Variants in SGCZ observed in about 807,000 individuals in gnomAD.
The protein encoded by SGCZ is sarcoglycan zeta.
In SGCZ, 40 loss-of-function variants were observed where a neutral mutation model predicts 41.3. The observed-to-expected ratio is 0.97, with a 90% CI of 0.75 to 1.26. The LOEUF is 1.26. SGCZ is among the 50% of genes most tolerant of loss of function. The pLI is 0.00. For missense variants in SGCZ, 552 were observed against 369.8 expected (o/e 1.49, Z -4.04); for synonymous variants, 206 against 137.5 (o/e 1.50, Z -3.49).
chr8:15,016,140 G>A (rs1803024711), intron 1 of SGCZ, among the ~76,000 whole-genome samples: 2 of 151,992 alleles, frequency 1.3e-5, no homozygotes, highest in Admixed American at 1.3e-4. Flanking sequence ...CTATTCTTTT[G>A]CAAAATTTCC....
At chr8:14,848,981 T>C (rs1308152889) in intron 1 of SGCZ, among the ~76,000 whole-genome samples, 4 of 152,118 alleles carry the variant, frequency 2.6e-5, no homozygotes, top group Admixed American at 1.3e-4. Flanking sequence ...AACACAATAA[T>C]AAGAAAGCCA....
intron 2 of SGCZ, among the ~76,000 whole-genome samples, chr8:14,537,235 T>C (rs1803323879): frequency 6.6e-6 from 1 of 151,934 alleles, no homozygotes; most frequent in South Asian, 2.1e-4. Flanking sequence ...TCTGTCATCT[T>C]GGGAGCACAC....
intron 1 of SGCZ, among the ~76,000 whole-genome samples, chr8:14,586,725 A>G (rs752544497): frequency 4.6e-5 from 7 of 152,172 alleles, no homozygotes; most frequent in Non-Finnish European, 7.3e-5. Flanking sequence ...CTGGTACTAA[A>G]AATGTATTGT....
chr8:14,753,019 C>T (rs527886976), intron 1 of SGCZ, among the ~76,000 whole-genome samples: 17 of 151,786 alleles, frequency 1.1e-4, no homozygotes, highest in Non-Finnish European at 2.2e-4. Flanking sequence ...GGAAACTCTC[C>T]GTACTGTAAT....
chr8:14,553,438 A>G (rs1276784564), intron 2 of SGCZ, among the ~76,000 whole-genome samples: 4 of 152,098 alleles, frequency 2.6e-5, no homozygotes, highest in African/African-American at 9.7e-5. Context: ...CTGTGAAAAT[A>G]TTGACTCCTG....
chr8:14,965,895 C>G (rs1490813327), intron 1 of SGCZ, among the ~76,000 whole-genome samples: 1 of 151,912 alleles, frequency 6.6e-6, no homozygotes, highest in African/African-American at 2.4e-5. Context: ...AAAGAATAAA[C>G]AATACTCTAC....
At chr8:14,458,555 C>G (rs1800813328) in intron 2 of SGCZ, among the ~76,000 whole-genome samples, 1 of 152,068 alleles carries the variant, frequency 6.6e-6, no homozygotes, top group African/African-American at 2.4e-5. Context: ...TTGGTGGATT[C>G]TAAGTAGAGT....
chr8:14,100,233 T>C (rs1484730836), intron 7 of SGCZ, among the ~76,000 whole-genome samples: 1 of 151,854 alleles, frequency 6.6e-6, no homozygotes, highest in Non-Finnish European at 1.5e-5. Context: ...TACAGCACAA[T>C]ACTCATTTGA....
At chr8:14,800,201 A>C (rs921130652) in intron 1 of SGCZ, among the ~76,000 whole-genome samples, 5 of 152,166 alleles carry the variant, frequency 3.3e-5, no homozygotes, top group African/African-American at 1.2e-4. Flanking sequence ...GTCATTTGGA[A>C]ATATGTGATC....
At chr8:14,611,272 T>G (rs1443489415) in intron 1 of SGCZ, among the ~76,000 whole-genome samples, 1 of 152,182 alleles carries the variant, frequency 6.6e-6, no homozygotes, top group African/African-American at 2.4e-5. Flanking sequence ...TCATTTTTAT[T>G]CCCTTTGAGA....
At chr8:15,035,617 A>G (rs534111972) in intron 1 of SGCZ, among the ~76,000 whole-genome samples, 1 of 152,132 alleles carries the variant, frequency 6.6e-6, no homozygotes. Context: ...CTAACCTTTC[A>G]GGACACACAG....
At chr8:14,541,886 G>A (rs780845593) in intron 2 of SGCZ, among the ~76,000 whole-genome samples, 1 of 152,132 alleles carries the variant, frequency 6.6e-6, no homozygotes, top group Non-Finnish European at 1.5e-5. Context: ...GACCAGTGAT[G>A]ATGAGCTTTT....
intron 2 of SGCZ, among the ~76,000 whole-genome samples, chr8:14,454,481 T>G (rs1013255735): frequency 1.3e-5 from 2 of 152,188 alleles, no homozygotes; most frequent in Non-Finnish European, 2.9e-5. Flanking sequence ...AACATTTAAT[T>G]CATTTAATGA....
At chr8:14,679,147 T>C (rs1457036809) in intron 1 of SGCZ, among the ~76,000 whole-genome samples, 1 of 152,192 alleles carries the variant, frequency 6.6e-6, no homozygotes, top group Non-Finnish European at 1.5e-5. Context: ...GCCAGTCATA[T>C]AATAATATAT....
At chr8:15,001,052 C>T (rs73519088) in intron 1 of SGCZ, among the ~76,000 whole-genome samples, 2 of 152,150 alleles carry the variant, frequency 1.3e-5, no homozygotes, top group East Asian at 1.9e-4. Flanking sequence ...GGGACAACAA[C>T]GGCTGAGTGA....
At chr8:14,339,931 T>C (rs1563266803) in intron 2 of SGCZ, among the ~76,000 whole-genome samples, 1 of 151,748 alleles carries the variant, frequency 6.6e-6, no homozygotes, top group East Asian at 1.9e-4. Context: ...AACGAAAATA[T>C]AAAAAATGAA....
At chr8:14,689,892 G>A (rs1282116136) in intron 1 of SGCZ, among the ~76,000 whole-genome samples, 1 of 152,200 alleles carries the variant, frequency 6.6e-6, no homozygotes, top group East Asian at 1.9e-4. Context: ...GAGACTGGTT[G>A]TTTATGACAA....
intron 1 of SGCZ, among the ~76,000 whole-genome samples, chr8:14,614,110 C>A (rs1224639066): frequency 6.6e-6 from 1 of 152,114 alleles, no homozygotes; most frequent in African/African-American, 2.4e-5. Flanking sequence ...CTTCAGATTA[C>A]ATTACACTAA....
chr8:14,098,217 T>G (rs1266741768), intron 7 of SGCZ, among the ~76,000 whole-genome samples: 1 of 152,172 alleles, frequency 6.6e-6, no homozygotes, highest in Non-Finnish European at 1.5e-5. Flanking sequence ...TTTATTGATG[T>G]CAGATGTTGA....
Sources: allele counts gnomAD v4.1 joint callset (sites outside exome capture counted in the v4.1 genomes callset), GRCh38; gene constraint gnomAD v4.1.1; transcripts MANE v1.5; gene names NCBI Gene and HGNC (gene_info 2026-07-23, HGNC 2026-07-21).